The following FSTL5 variants were observed in gnomAD, a reference collection of about 807,000 sequenced individuals.
FSTL5 encodes the protein follistatin-related protein 5.
In FSTL5, 62 loss-of-function variants were observed where a neutral mutation model predicts 89.1. The observed-to-expected ratio is 0.70, with a 90% confidence interval of 0.57 to 0.86. The LOEUF (loss-of-function observed/expected upper bound fraction) is 0.86. Ranked by LOEUF, FSTL5 falls within the 40% of genes least tolerant of loss-of-function variation. FSTL5 has a pLI of 0.00. For missense variants in FSTL5, 1,057 were observed against 1,001.6 expected, an observed-to-expected ratio of 1.06 and a Z score of -0.75; for synonymous variants, 383 against 346.2, an observed-to-expected ratio of 1.11 and a Z score of -1.18.
chr4:161,408,490 C>T (rs1731468005), intron 15 of FSTL5, among the ~76,000 whole-genome samples: 1 of 152,096 alleles, frequency 6.6e-6, no homozygotes, highest in African/African-American at 2.4e-5. Context: ...AGAATAAGCT[C>T]AAGAATGCTG....
chr4:161,651,079 T>C (rs1303952099), intron 7 of FSTL5, among the ~76,000 whole-genome samples: 3 of 152,126 alleles, frequency 2.0e-5, no homozygotes, highest in Admixed American at 6.6e-5. Context: ...CAATACTCTA[T>C]ATTTGTCTTT....
intron 3 of FSTL5, among the ~76,000 whole-genome samples, chr4:161,969,151 C>A (rs528599366): frequency 6.6e-6 from 1 of 152,102 alleles, no homozygotes; most frequent in South Asian, 2.1e-4. Context: ...AAAAGAAAAA[C>A]GCACTCCATA....
In FSTL5 at chr4:162,163,932, C is replaced by G. The variant is rs1337092660; in HGVS notation, c.-334G>C. 6.6e-6 allele frequency: 1 copy of G among 152,334 alleles called. No individual in the cohort carries two copies. Among genetic ancestry groups the G allele is most frequent in the African/African-American group, 2.4e-5 (1 of 41,444 alleles). 9.4% of individuals were successfully genotyped at this position (152,334 alleles called of 1,614,324 possible). On this transcript the variant is annotated 5_prime_UTR_variant, in exon 1 of 16. Coordinates refer to ENST00000306100, the MANE Select transcript of FSTL5 (RefSeq NM_020116.5). ...GCTGGAGCAACTGGTCCGCTCGCGT[C>G]TCAGGTTCAGCACCGACAGCACAGT...
At chr4:162,079,443 A>AT (rs1342762195) in intron 2 of FSTL5, among the ~76,000 whole-genome samples, 1 of 151,640 alleles carries the variant, frequency 6.6e-6, no homozygotes, top group African/African-American at 2.4e-5. Context: ...GAAAATGTTA[A>AT]TATCTATAAA....
intron 11 of FSTL5, among the ~76,000 whole-genome samples, chr4:161,503,333 A>G (rs948354253): frequency 6.6e-6 from 1 of 151,872 alleles, no homozygotes; most frequent in Non-Finnish European, 1.5e-5. Flanking sequence ...CCAGACTTTG[A>G]TAACTATTCT....
chr4:161,737,521 C>G (rs1739861402), intron 6 of FSTL5, among the ~76,000 whole-genome samples: 1 of 152,040 alleles, frequency 6.6e-6, no homozygotes, highest in Admixed American at 6.6e-5. Flanking sequence ...ACGTGCATTT[C>G]AAAATATATA....
chr4:161,781,736 C>T (rs181704255), intron 4 of FSTL5, among the ~76,000 whole-genome samples: 1 of 152,160 alleles, frequency 6.6e-6, no homozygotes, highest in Admixed American at 6.5e-5. Context: ...ACCATTATCA[C>T]TCCAGATCCA....
chr4:161,720,869 C>A (rs4691790), intron 6 of FSTL5, among the ~76,000 whole-genome samples: 148,035 of 152,228 alleles, frequency 0.97, 72,099 homozygotes, highest in East Asian at 1. Context: ...GTGGGGAGGA[C>A]GAAACAGGGA....
At chr4:161,391,698 T>A (rs1470446471) in intron 15 of FSTL5, among the ~76,000 whole-genome samples, 1 of 152,194 alleles carries the variant, frequency 6.6e-6, no homozygotes, top group African/African-American at 2.4e-5. Flanking sequence ...CATACCTGTT[T>A]ATAAAGGGTG....
chr4:161,759,464 T>A lies in FSTL5; in HGVS notation c.674A>T (p.Asp225Val). 1 of 1,596,924 alleles carries A rather than the reference T, an allele frequency of 6.3e-7. No individual in the cohort carries two copies. Among genetic ancestry groups the A allele is most frequent in the Non-Finnish European group, 8.5e-7 (1 of 1,171,136 alleles). Reference protein sequence around the residue: ...DCTLYVLLKYDDFNADKHLAL... With the variant: ...DCTLYVLLKYVDFNADKHLAL... ...CAGGTGCTTGTCAGCATTAAAATCATCATATTTCAATAGAACATACAAAGT... is the reference window on the plus strand; with the variant it reads ...CAGGTGCTTGTCAGCATTAAAATCAACATATTTCAATAGAACATACAAAGT... Residue 225 changes from aspartate (D) to valine (V), a missense_variant, in exon 6 of 16, where the codon GAT becomes GTT. Asp to Val is a radical substitution (Grantham distance 152, BLOSUM62 -3). Coordinates refer to ENST00000306100, the MANE Select transcript of FSTL5 (RefSeq NM_020116.5).
Position 161,918,220 on chromosome 4 carries a change from G to T in FSTL5, c.409+2184C>A, listed in dbSNP as rs377231716. The stretch of plus-strand genomic sequence containing the variant: ...TGGCCCAATGCACACTAATAAGACA[G>T]GCAATTTATTGTTTTGGTTTATATT... On this transcript the variant is annotated intron_variant, in intron 4 of 15. Transcript: ENST00000306100. Among the ~76,000 whole-genome samples, 19 of 152,116 alleles carry T rather than the reference G, an allele frequency of 1.2e-4. No homozygotes were observed. In the South Asian group the frequency reaches 2.5e-3, roughly 20 times the overall value.
intron 6 of FSTL5, among the ~76,000 whole-genome samples, chr4:161,687,412 A>G (rs1737784183): frequency 6.6e-6 from 1 of 152,126 alleles, no homozygotes. Context: ...ATATTTTCAT[A>G]CATTTATTTT....
intron 4 of FSTL5, among the ~76,000 whole-genome samples, chr4:161,917,235 C>T (rs1434917306): frequency 6.6e-6 from 1 of 152,200 alleles, no homozygotes; most frequent in Non-Finnish European, 1.5e-5. Flanking sequence ...GGATTGCAGG[C>T]ATGAGCCACC....
intron 10 of FSTL5, among the ~76,000 whole-genome samples, chr4:161,527,385 A>G (rs1379108819): frequency 1.3e-5 from 2 of 152,106 alleles, no homozygotes; most frequent in Non-Finnish European, 1.5e-5. Flanking sequence ...AAATTTTCGC[A>G]ACCTACTCAT....
intron 12 of FSTL5, chr4:161,495,205 T>C (rs1227314288): frequency 6.6e-6 from 1 of 152,156 alleles, no homozygotes; most frequent in East Asian, 1.9e-4. Context: ...CCATGGCATA[T>C]GTGAAAAGCA....
chr4:162,156,337 T>A (rs531126020), intron 1 of FSTL5, among the ~76,000 whole-genome samples: 80 of 152,244 alleles, frequency 5.3e-4, no homozygotes, highest in Non-Finnish European at 7.6e-4. Context: ...AGTTTGGAGA[T>A]TTCTCAAATA....
At chr4:161,507,539 A>G (rs1007874583) in intron 11 of FSTL5, among the ~76,000 whole-genome samples, 3 of 151,714 alleles carry the variant, frequency 2.0e-5, no homozygotes, top group Non-Finnish European at 2.9e-5. Context: ...TGAATTTCCA[A>G]TGTTTTCAAT....
chr4:161,600,793 T>A (rs1734203197), intron 7 of FSTL5, among the ~76,000 whole-genome samples: 1 of 152,140 alleles, frequency 6.6e-6, no homozygotes, highest in Admixed American at 6.6e-5. Context: ...GAATACACAT[T>A]CCAGACTTCT....
chr4:161,831,789 T>C (rs1463600822), intron 4 of FSTL5, among the ~76,000 whole-genome samples: 1 of 151,752 alleles, frequency 6.6e-6, no homozygotes, highest in East Asian at 1.9e-4. Flanking sequence ...AGCATAATAA[T>C]ATATAACAGC....
Sources: allele counts gnomAD v4.1 joint callset (sites outside exome capture counted in the v4.1 genomes callset), GRCh38; gene constraint gnomAD v4.1.1; transcripts MANE v1.5; gene names NCBI Gene and HGNC (gene_info 2026-07-23, HGNC 2026-07-21).